The following SNUPN variants were observed in gnomAD, a reference collection of about 807,000 sequenced individuals.
SNUPN encodes snurportin 1.
Under a neutral mutation model 39.2 loss-of-function variants are expected in SNUPN, and 31 were observed. The observed-to-expected ratio is 0.79, with a 90% confidence interval of 0.59 to 1.07. SNUPN has a LOEUF of 1.07. SNUPN is among the 50% of genes least tolerant of loss of function. SNUPN has a pLI of 0.00. For synonymous variants in SNUPN, 132 were observed against 159.0 expected, an observed-to-expected ratio of 0.83 and a Z score of 1.28; for missense variants, 382 against 434.2, an observed-to-expected ratio of 0.88 and a Z score of 1.07.
At chr15:75,615,533 C>T (rs1892900819) in intron 3 of SNUPN, among the ~76,000 whole-genome samples, 1 of 151,710 alleles carries the variant, frequency 6.6e-6, no homozygotes, top group African/African-American at 2.4e-5. Context: ...GCTGCCTCTT[C>T]CTTCATTAAC....
At position 75,598,262 on chromosome 15, in the gene SNUPN, C is replaced by A; in HGVS notation, c.*96G>T. ...CTGGACTGGGTTTGGAAAGTTCACT[C>A]TAAAGAATGAAGTCACCTGTTGTCA... On this transcript the variant is annotated 3_prime_UTR_variant, in exon 9 of 9. Transcript: ENST00000308588. The A allele has an allele frequency of 1.0e-6, 1 of 1,001,038 alleles. No individual in the cohort carries two copies. 62.0% of individuals were successfully genotyped at this position (1,001,038 alleles called of 1,614,324 possible).
chr15:75,609,858 CCTA>C, intron 4 of SNUPN, 29 bp downstream of exon 4: 1 of 1,520,178 alleles, frequency 6.6e-7, no homozygotes, highest in Non-Finnish European at 9.1e-7. Flanking sequence ...ACAGACCAGG[CCTA>C]CTGGCATAGG....
chr15:75,616,678 C>T (rs1398989864), intron 3 of SNUPN, among the ~76,000 whole-genome samples: 5 of 152,082 alleles, frequency 3.3e-5, no homozygotes, highest in African/African-American at 1.2e-4. Context: ...GCAGGGTAGA[C>T]CTCCATCCCA....
chr15:75,609,972 A>G lies in SNUPN; in HGVS notation c.326T>C (p.Ile109Thr). The G allele has an allele frequency of 1.2e-6, 2 of 1,614,142 alleles. No homozygotes were observed. The highest frequency in any genetic ancestry group is 2.2e-5 in the South Asian group (2 of 91,076). Reference protein sequence around the residue: ...ANQLMLSEWLIDVPSDLGQEW... With the variant: ...ANQLMLSEWLTDVPSDLGQEW... ...CTGCCCCAAATCTGAAGGAACGTCA[A>G]TTAACCACTCAGAAAGCATCAACTG... is the stretch of plus-strand genomic sequence containing the variant. Residue 109 changes from isoleucine to threonine, a missense_variant, in exon 4 of 9, where the codon ATT (isoleucine) becomes ACT (threonine). Physicochemically the swap from Ile to Thr is moderately conservative, Grantham distance 89. Transcript: ENST00000308588.
chr15:75,621,929 G>A (rs1170073692), intron 1 of SNUPN, among the ~76,000 whole-genome samples: 1 of 152,148 alleles, frequency 6.6e-6, no homozygotes, highest in East Asian at 1.9e-4. Flanking sequence ...CCAGCTACTC[G>A]GGAGGCTGAG....
intron 7 of SNUPN, among the ~76,000 whole-genome samples, chr15:75,604,904 A>G (rs149458899): frequency 5.2e-4 from 79 of 152,248 alleles, no homozygotes; most frequent in African/African-American, 1.8e-3. Context: ...CCCAAAGTCC[A>G]TTGTGTCATT....
intron 3 of SNUPN, among the ~76,000 whole-genome samples, chr15:75,612,676 T>C (rs1892816670): frequency 1.3e-5 from 2 of 152,050 alleles, no homozygotes; most frequent in South Asian, 4.1e-4. Context: ...TTGTCTCCTC[T>C]GCACCGAAAA....
At chr15:75,622,860 C>T (rs1228916715) in intron 1 of SNUPN, among the ~76,000 whole-genome samples, 2 of 152,138 alleles carry the variant, frequency 1.3e-5, no homozygotes, top group Admixed American at 6.6e-5. Context: ...TCGTGGTTTG[C>T]CAGGTGCAGT....
rs554031146 is a variant in SNUPN, at chr15:75,606,056, A to T, written c.601-829T>A. ...GCTACTCAGAAGGCGGAGGCAGGAG[A>T]AGTGCTTGAACCCAGGATGCGGAGG... On this transcript the variant is annotated intron_variant, in intron 6 of 8. Coordinates refer to ENST00000308588, the MANE Select transcript of SNUPN (RefSeq NM_005701.4). 5.3e-5 allele frequency among the ~76,000 whole-genome samples: 8 copies of T among 152,336 alleles called. 1 individual carries two copies. In the East Asian group the frequency reaches 1.5e-3, roughly 29 times the overall value.
chr15:75,606,140 G>A (rs970981160), intron 6 of SNUPN, among the ~76,000 whole-genome samples: 7 of 152,194 alleles, frequency 4.6e-5, no homozygotes, highest in Admixed American at 1.3e-4. Flanking sequence ...GCGAGACTCC[G>A]TCTCAAAGAA....
At position 75,620,972 on chromosome 15, in the gene SNUPN, C is replaced by G; in HGVS notation, c.80G>C (p.Arg27Pro). ...GTACTTGGACTTGTACTGGGATAGGCGGGGGTGTGGGGCAGCTGTGCTGTT... is the reference window on the plus strand; with the variant it reads ...GTACTTGGACTTGTACTGGGATAGGGGGGGGTGTGGGGCAGCTGTGCTGTT... ...DLNSTAAPHP[R>P]LSQYKSKYSS... Residue 27 changes from arginine to proline, a missense_variant, in exon 2 of 9, where the codon CGC (arginine) becomes CCC (proline). By Grantham distance (103) the Arg-to-Pro change is moderately radical. Transcript: ENST00000308588. The G allele has an allele frequency of 6.2e-7, 1 of 1,614,038 alleles. No individual in the cohort carries two copies. Among genetic ancestry groups the G allele is most frequent in the Non-Finnish European group, 8.5e-7 (1 of 1,179,936 alleles).
Position 75,617,413 on chromosome 15 carries a change from T to C in SNUPN, c.298A>G (p.Asn100Asp). The C allele has an allele frequency of 6.2e-7, 1 of 1,613,580 alleles. No homozygotes were observed. Among genetic ancestry groups the C allele is most frequent in the Non-Finnish European group, 8.5e-7 (1 of 1,179,804 alleles). ...ATCTTCTCTGGACCACTTACTTGAT[T>C]AGCATAGTGTTTTGGTAACTTCTTG... ...TVKKLPKHYA[N>D]QLMLSEWLID... The change falls in exon 3 of 9, where the codon AAT (asparagine) becomes GAT (aspartate). Residue 100 changes from asparagine (N) to aspartate (D), a missense_variant. Physicochemically the swap from Asn to Asp is conservative, Grantham distance 23. Coordinates refer to ENST00000308588, the MANE Select transcript of SNUPN (RefSeq NM_005701.4).
chr15:75,598,973 C>G (rs962221993), intron 8 of SNUPN, among the ~76,000 whole-genome samples: 12 of 152,014 alleles, frequency 7.9e-5, no homozygotes, highest in Admixed American at 7.2e-4. Context: ...TTGAGACCAG[C>G]CTGGGCAACA....
intron 1 of SNUPN, chr15:75,624,808 T>C: frequency 8.6e-7 from 1 of 1,163,190 alleles, no homozygotes; most frequent in Non-Finnish European, 1.1e-6. Flanking sequence ...GTTTCGCTCT[T>C]GTTGCCCAGG....
intron 1 of SNUPN, among the ~76,000 whole-genome samples, chr15:75,621,512 T>C (rs1409227295): frequency 3.3e-5 from 5 of 152,126 alleles, no homozygotes; most frequent in Non-Finnish European, 1.5e-5. Context: ...TCTTCCCTCC[T>C]CAGCCTCTCA....
chr15:75,624,723 A>G, intron 1 of SNUPN: 1 of 1,269,322 alleles, frequency 7.9e-7, no homozygotes, highest in Non-Finnish European at 1.0e-6. Context: ...ACCTTCCTTC[A>G]AGGCTGTTCT....
intron 7 of SNUPN, among the ~76,000 whole-genome samples, chr15:75,603,181 G>A (rs2075303847): frequency 6.6e-6 from 1 of 151,526 alleles, no homozygotes; most frequent in African/African-American, 2.4e-5. Context: ...TCAAGTAGCT[G>A]GGACTATAGG....
intron 2 of SNUPN, among the ~76,000 whole-genome samples, chr15:75,618,514 T>C (rs1222192396): frequency 1.3e-5 from 2 of 152,136 alleles, no homozygotes; most frequent in Admixed American, 1.3e-4. Flanking sequence ...GCTAGAAAGT[T>C]TGGGAAACTG....
At chr15:75,604,988 A>G (rs750117407) in intron 7 of SNUPN, among the ~76,000 whole-genome samples, 162 bp downstream of exon 7, 1 of 152,024 alleles carries the variant, frequency 6.6e-6, no homozygotes, top group East Asian at 1.9e-4. Flanking sequence ...TAGTAATAAT[A>G]AAAGCCAAAA....
Sources: gnomAD v4.1 joint callset for allele counts (sites outside exome capture counted in the v4.1 genomes callset) on GRCh38, gnomAD v4.1.1 for gene constraint, MANE v1.5 for transcripts, NCBI Gene and HGNC (gene_info 2026-07-23, HGNC 2026-07-21) for gene names.